SLC15A1: variants seen among roughly 807,000 people sequenced by gnomAD.
SLC15A1 encodes the protein Caco-2 oligopeptide transporter.
In SLC15A1, 83 loss-of-function variants were observed where a neutral mutation model predicts 92.9. The ratio of observed to expected loss-of-function variants is 0.89; its 90% CI spans 0.75 to 1.07. The LOEUF is 1.07. Among genes scored for constraint, SLC15A1 ranks in the 50% least tolerant of loss-of-function variants. SLC15A1 has a pLI of 0.00. For missense variants in SLC15A1, 857 were observed against 880.1 expected, an observed-to-expected ratio of 0.97 and a Z score of 0.33; for synonymous variants, 322 against 318.2, an observed-to-expected ratio of 1.01 and a Z score of -0.13.
intron 1 of SLC15A1, among the ~76,000 whole-genome samples, chr13:98,744,525 C>A (rs2088476302): frequency 6.6e-6 from 1 of 151,490 alleles, no homozygotes; most frequent in African/African-American, 2.4e-5. Context: ...CCGAGGCGGG[C>A]AGATCATGAG....
chr13:98,724,418 C>T (rs1424643185), intron 4 of SLC15A1, among the ~76,000 whole-genome samples: 1 of 152,152 alleles, frequency 6.6e-6, no homozygotes, highest in African/African-American at 2.4e-5. Context: ...GTGGGAGGAT[C>T]ACTTGAGTCC....
Position 98,690,304 on chromosome 13 carries a change from T to A in SLC15A1, c.1467-1727A>T, listed in dbSNP as rs532206573. Reference sequence around the variant, plus strand: ...TATGAATTAAACTCAGGTCCTGAAGTCCCGAGGCCTTCTACTTGGTGTCAT... The same window carrying A: ...TATGAATTAAACTCAGGTCCTGAAGACCCGAGGCCTTCTACTTGGTGTCAT... On this transcript the variant is annotated intron_variant, in intron 18 of 22. Coordinates refer to ENST00000376503, the MANE Select transcript of SLC15A1 (RefSeq NM_005073.4). Among the ~76,000 whole-genome samples, 13 of 152,318 alleles carry A rather than the reference T, an allele frequency of 8.5e-5. No homozygotes were observed. The South Asian group carries it at 2.7e-3, about 32-fold the overall frequency.
At chr13:98,705,103 G>A (rs1208125074) in intron 16 of SLC15A1, among the ~76,000 whole-genome samples, 1 of 150,594 alleles carries the variant, frequency 6.6e-6, no homozygotes, top group East Asian at 2.0e-4. Context: ...GGTGGCTAAG[G>A]CATGAGAATC....
In SLC15A1 at chr13:98,733,597, A is replaced by G. The variant is rs74409483; in HGVS notation, c.5-6738T>C. 6.2e-3 allele frequency among the ~76,000 whole-genome samples: 945 copies of G among 152,334 alleles called. 8 individuals carry two copies. The highest frequency in any genetic ancestry group is 0.021 in the African/African-American group (893 of 41,584). ...CCCCAGGAAGCCAATGGTCCCTGCA[A>G]GAACACAGCTTGGCCTTGCTAATGG... On this transcript the variant is annotated intron_variant, in intron 1 of 22. Coordinates refer to ENST00000376503, the MANE Select transcript of SLC15A1 (RefSeq NM_005073.4).
chr13:98,701,250 T>G (rs765458535), intron 18 of SLC15A1, among the ~76,000 whole-genome samples: 2 of 152,180 alleles, frequency 1.3e-5, no homozygotes, highest in Non-Finnish European at 2.9e-5. Flanking sequence ...TCCTGCACAT[T>G]TTGTTAGATT....
chr13:98,686,189 C>G lies in SLC15A1; in HGVS notation c.1935+1G>C, dbSNP rs1416372638. 3.1e-6 allele frequency: 5 copies of G among 1,610,656 alleles called. No individual in the cohort carries two copies. Among genetic ancestry groups the G allele is most frequent in the Non-Finnish European group, 4.2e-6 (5 of 1,177,294 alleles). On this transcript the variant is annotated splice_donor_variant, in intron 22 of 22. Coordinates refer to ENST00000376503, the MANE Select transcript of SLC15A1 (RefSeq NM_005073.4). LOFTEE classifies it high-confidence loss of function. ...GTGCAATCTCCTCTCCCACGCCATACCTGTTTGCTGAACTGGCCTGCCCCT... is the reference window on the plus strand; with the variant it reads ...GTGCAATCTCCTCTCCCACGCCATAGCTGTTTGCTGAACTGGCCTGCCCCT...
Position 98,684,739 on chromosome 13 carries a change from T to C in SLC15A1, c.2112A>G (p.Ser704=), listed in dbSNP as rs772923674. ...SNPYFMSGAN[S]QKQM is the part of the protein sequence containing the mutation. ...CTCCTGACCTTCACATCTGTTTCTG[T>C]GAATTGGCCCCTGACATGAAATATG... The change falls in exon 23 of 23, where the codon TCA becomes TCG. Residue 704 remains serine (S), a synonymous_variant. Transcript: ENST00000376503. The C allele has an allele frequency of 1.9e-6, 3 of 1,614,092 alleles. No homozygotes were observed. Among genetic ancestry groups the C allele is most frequent in the South Asian group, 2.2e-5 (2 of 91,080 alleles).
At chr13:98,707,212 C>T (rs1020094117) in intron 15 of SLC15A1, among the ~76,000 whole-genome samples, 20 of 152,182 alleles carry the variant, frequency 1.3e-4, no homozygotes, top group African/African-American at 2.9e-4. Context: ...ATGTTCATGG[C>T]GGCACTGTTT....
chr13:98,721,367 GT>G (rs1566452787), intron 7 of SLC15A1, 127 bp downstream of exon 7: 1 of 737,006 alleles, frequency 1.4e-6, no homozygotes, highest in Non-Finnish European at 2.5e-6. Flanking sequence ...AGATTCCAAC[GT>G]GCATCCCAGC....
chr13:98,743,361 A>G (rs1779324409), intron 1 of SLC15A1, among the ~76,000 whole-genome samples: 2 of 152,108 alleles, frequency 1.3e-5, no homozygotes, highest in African/African-American at 4.8e-5. Context: ...GAAATGACCA[A>G]CCTCTCGTGG....
intron 7 of SLC15A1, chr13:98,721,245 A>C: frequency 1.6e-6 from 1 of 635,798 alleles, no homozygotes; most frequent in Non-Finnish European, 3.0e-6. Context: ...ACAGTTTAGG[A>C]AGATGGATGC....
At position 98,706,223 on chromosome 13, in the gene SLC15A1, C is replaced by T. The variant is rs372092782; in HGVS notation, c.1180G>A (p.Glu394Lys). ...KTLPVFPKGN[E>K]VQIKVLNIGN... ...ATATTCAAAACTTTAATTTGGACTT[C>T]GTTTCCTTTGGGGAAGACTGGAAGA... is the stretch of plus-strand genomic sequence containing the variant. The change falls in exon 16 of 23, where the codon GAA becomes AAA. Residue 394 changes from glutamate to lysine, a missense_variant. Coordinates refer to ENST00000376503, the MANE Select transcript of SLC15A1 (RefSeq NM_005073.4). 1.2e-5 allele frequency: 19 copies of T among 1,613,276 alleles called. No individual in the cohort carries two copies. The highest frequency in any genetic ancestry group is 1.5e-5 in the Non-Finnish European group (18 of 1,179,752).
At chr13:98,686,168 A>G in intron 22 of SLC15A1, 22 bp downstream of exon 22, 4 of 1,554,064 alleles carry the variant, frequency 2.6e-6, no homozygotes, top group Non-Finnish European at 3.5e-6. Context: ...AGGTATGTGC[A>G]ATCTCCTCTC....
chr13:98,721,352 A>C (rs778889884), intron 7 of SLC15A1, 143 bp downstream of exon 7: 1 of 722,462 alleles, frequency 1.4e-6, no homozygotes, highest in African/African-American at 1.7e-5. Flanking sequence ...GGAAGCACTT[A>C]CTCCAGATTC....
intron 1 of SLC15A1, among the ~76,000 whole-genome samples, chr13:98,750,729 A>T (rs1161958334): frequency 1.3e-5 from 2 of 151,050 alleles, no homozygotes; most frequent in Non-Finnish European, 2.9e-5. Flanking sequence ...CAATTCTGGC[A>T]TGACCTAAGT....
At chr13:98,751,930 T>C (rs1243940826) in intron 1 of SLC15A1, among the ~76,000 whole-genome samples, 1 of 152,256 alleles carries the variant, frequency 6.6e-6, no homozygotes, top group Non-Finnish European at 1.5e-5. Flanking sequence ...GCTCTGGCTC[T>C]GCTTCCGTTC....
At chr13:98,704,161 A>G in intron 17 of SLC15A1, 128 bp downstream of exon 17, 1 of 835,226 alleles carries the variant, frequency 1.2e-6, no homozygotes, top group Non-Finnish European at 1.8e-6. Context: ...TGTGTTCCAG[A>G]AGAAGGAAGA....
At chr13:98,728,135 T>G (rs2088318094) in intron 1 of SLC15A1, among the ~76,000 whole-genome samples, 1 of 152,230 alleles carries the variant, frequency 6.6e-6, no homozygotes, top group Non-Finnish European at 1.5e-5. Flanking sequence ...TTTCCCAGTG[T>G]TTGTTCTTGG....
chr13:98,729,407 C>T lies in SLC15A1; in HGVS notation c.5-2548G>A, dbSNP rs932709296. 3.8e-4 allele frequency among the ~76,000 whole-genome samples: 58 copies of T among 152,238 alleles called. 1 individual carries two copies. Among genetic ancestry groups the T allele is most frequent in the African/African-American group, 1.4e-3 (56 of 41,454 alleles). On this transcript the variant is annotated intron_variant, in intron 1 of 22. Transcript: ENST00000376503. ...TGAGAAGACTGACTTCTCTCTGCAC[C>T]TGAGATTTGCATCTCTAACAAGAGT... is the stretch of plus-strand genomic sequence containing the variant.
Sources: allele counts gnomAD v4.1 joint callset (sites outside exome capture counted in the v4.1 genomes callset), GRCh38; gene constraint gnomAD v4.1.1; transcripts MANE v1.5; gene names NCBI Gene and HGNC (gene_info 2026-07-23, HGNC 2026-07-21).